ANGPTL5: variants seen among roughly 807,000 people sequenced by gnomAD.
ANGPTL5 encodes the protein angiopoietin-related protein 5.
In ANGPTL5, 34 loss-of-function variants were observed where a neutral mutation model predicts 39.4. The observed-to-expected ratio is 0.86, with a 90% confidence interval of 0.66 to 1.15. The LOEUF (loss-of-function observed/expected upper bound fraction) is 1.15, where lower values mean the gene tolerates loss of function less well. ANGPTL5 is among the 50% of genes most tolerant of loss of function. The pLI is 0.00. For missense variants in ANGPTL5, 467 were observed against 457.5 expected, an observed-to-expected ratio of 1.02 and a Z score of -0.19; for synonymous variants, 146 against 152.1, an observed-to-expected ratio of 0.96 and a Z score of 0.29.
intron 1 of ANGPTL5, chr11:101,915,280 G>A: frequency 1.2e-6 from 2 of 1,613,576 alleles, no homozygotes; most frequent in Non-Finnish European, 1.7e-6. Flanking sequence ...GCGCTGAAGT[G>A]AAGGATGCTG....
At chr11:101,908,295 G>GA (rs71728675) in intron 1 of ANGPTL5, among the ~76,000 whole-genome samples, 7,148 of 151,602 alleles carry the variant, frequency 0.047, 305 homozygotes, top group East Asian at 0.19. Flanking sequence ...CTTGCCTTGG[G>GA]AAAAAAAATG....
intron 1 of ANGPTL5, among the ~76,000 whole-genome samples, chr11:101,915,658 T>A (rs991563157): frequency 1.3e-5 from 2 of 152,214 alleles, no homozygotes; most frequent in Admixed American, 1.3e-4. Flanking sequence ...CTTTGTAAAA[T>A]TTTTGTGAAT....
intron 1 of ANGPTL5, among the ~76,000 whole-genome samples, chr11:101,913,792 C>G (rs138862180): frequency 1.3e-4 from 20 of 152,314 alleles, no homozygotes; most frequent in African/African-American, 4.8e-4. Context: ...CTACTTTACT[C>G]AGATCACCCA....
At chr11:101,908,108 A>C (rs1236591424) in intron 1 of ANGPTL5, 107 bp from the exon 2 acceptor site, 1 of 489,916 alleles carries the variant, frequency 2.0e-6, no homozygotes, top group Non-Finnish European at 3.7e-6. Flanking sequence ...GGAGATCCTG[A>C]CATTTTAAAT....
chr11:101,914,064 A>G (rs1326502087), intron 1 of ANGPTL5, among the ~76,000 whole-genome samples: 1 of 152,222 alleles, frequency 6.6e-6, no homozygotes, highest in African/African-American at 2.4e-5. Flanking sequence ...ATTGCAACCA[A>G]GTTTGCAAAG....
chr11:101,902,789 G>A, intron 5 of ANGPTL5, 68 bp from the exon 6 acceptor site: 1 of 1,005,672 alleles, frequency 9.9e-7, no homozygotes, highest in Admixed American at 1.8e-5. Context: ...TTTTACTATA[G>A]AGAATTGATA....
intron 7 of ANGPTL5, among the ~76,000 whole-genome samples, chr11:101,899,451 A>G (rs773870371): frequency 2.0e-5 from 3 of 152,234 alleles, no homozygotes; most frequent in Non-Finnish European, 4.4e-5. Flanking sequence ...GTTTGTATGC[A>G]GTATACCTGC....
In ANGPTL5 at chr11:101,907,868, T is replaced by C. The variant is rs1197990602; in HGVS notation, c.42A>G (p.Val14=). ...CAGCTTCTCCACAAATAAAAATACA[T>C]ACATTTAAGAATAAGAGTGAGGCTT... ...PSQASLLFLN[V]CIFICGEAVQ... Residue 14 remains valine, a synonymous_variant, in exon 2 of 9, where the codon GTA becomes GTG. Coordinates refer to ENST00000334289, the MANE Select transcript of ANGPTL5 (RefSeq NM_178127.5). The C allele has an allele frequency of 1.2e-6, 2 of 1,610,908 alleles. No homozygotes were observed. Among genetic ancestry groups the C allele is most frequent in the East Asian group, 2.2e-5 (1 of 44,724 alleles).
chr11:101,912,769 C>T (rs569414194), intron 1 of ANGPTL5, among the ~76,000 whole-genome samples: 2 of 152,268 alleles, frequency 1.3e-5, no homozygotes, highest in African/African-American at 4.8e-5. Context: ...AACTGAGTTC[C>T]CAGCCATAAT....
intron 1 of ANGPTL5, among the ~76,000 whole-genome samples, chr11:101,912,839 T>C (rs1412073563): frequency 2.0e-5 from 3 of 152,130 alleles, no homozygotes; most frequent in Non-Finnish European, 4.4e-5. Flanking sequence ...TGGACACAAT[T>C]GACCAGGATT....
intron 1 of ANGPTL5, among the ~76,000 whole-genome samples, chr11:101,909,125 A>T (rs1349142559): frequency 1.3e-5 from 2 of 152,222 alleles, no homozygotes; most frequent in Non-Finnish European, 2.9e-5. Context: ...TACTAGTACA[A>T]TGACTGATAC....
At chr11:101,896,926 A>G (rs1269971805) in intron 7 of ANGPTL5, among the ~76,000 whole-genome samples, 2 of 152,186 alleles carry the variant, frequency 1.3e-5, no homozygotes, top group African/African-American at 2.4e-5. Context: ...TTGAGGAATC[A>G]CCACACTGTC....
At chr11:101,909,537 T>A (rs1591259732) in intron 1 of ANGPTL5, among the ~76,000 whole-genome samples, 1 of 152,344 alleles carries the variant, frequency 6.6e-6, no homozygotes, top group East Asian at 1.9e-4. Flanking sequence ...CTAGTTGAAG[T>A]CTTACAAAAT....
At chr11:101,903,879 G>T (rs1027076041) in intron 5 of ANGPTL5, among the ~76,000 whole-genome samples, 1 of 117,614 alleles carries the variant, frequency 8.5e-6, no homozygotes. Flanking sequence ...CCTGTGATTC[G>T]GGCATTTTTT....
chr11:101,894,806 T>C, intron 8 of ANGPTL5, 73 bp downstream of exon 8: 1 of 1,371,440 alleles, frequency 7.3e-7, no homozygotes, highest in Admixed American at 1.7e-5. Flanking sequence ...AAATGCATTA[T>C]TTTTATCTTC....
At chr11:101,905,892 G>A in intron 3 of ANGPTL5, 45 bp from the exon 4 acceptor site, 1 of 1,112,732 alleles carries the variant, frequency 9.0e-7, no homozygotes, top group Non-Finnish European at 1.4e-6. Flanking sequence ...TATTGTTACA[G>A]AAAACAATTA....
rs1940174684 is a variant in ANGPTL5, at chr11:101,915,210, CAGG to C, written c.-93+806_-93+808del. 2.0e-5 allele frequency: 31 copies of C among 1,587,928 alleles called. 1 individual carries two copies. In the South Asian group the frequency reaches 2.9e-4, roughly 15 times the overall value. On this transcript the variant is annotated intron_variant, in intron 1 of 8. Coordinates refer to ENST00000334289, the MANE Select transcript of ANGPTL5 (RefSeq NM_178127.5). ...AGACGGAGTGTAGGGAGGGGCCGAG[CAGG>C]AGGAGGAGGAAGCCGGAGCTGCCAT... is the stretch of plus-strand genomic sequence containing the variant.
At chr11:101,906,670 C>T (rs1178335902) in intron 3 of ANGPTL5, among the ~76,000 whole-genome samples, 3 of 152,046 alleles carry the variant, frequency 2.0e-5, no homozygotes, top group Non-Finnish European at 2.9e-5. Flanking sequence ...CACACTATTA[C>T]GTATGTTATT....
intron 5 of ANGPTL5, among the ~76,000 whole-genome samples, chr11:101,903,418 A>T (rs1939942554): frequency 6.6e-6 from 1 of 152,162 alleles, no homozygotes; most frequent in Admixed American, 6.5e-5. Flanking sequence ...TTTATAAGTG[A>T]AATAAATTCA....
Sources: gnomAD v4.1 joint callset for allele counts (sites outside exome capture counted in the v4.1 genomes callset) on GRCh38, gnomAD v4.1.1 for gene constraint, MANE v1.5 for transcripts, NCBI Gene and HGNC (gene_info 2026-07-23, HGNC 2026-07-21) for gene names.